ZNF608: variants seen among roughly 807,000 people sequenced by gnomAD.
The protein encoded by ZNF608 is zinc finger protein 608, also known as renal carcinoma antigen NY-REN-36.
Under a neutral mutation model 109.0 loss-of-function variants are expected in ZNF608, and 12 were observed. The ratio of observed to expected loss-of-function variants is 0.11; its 90% CI spans 0.07 to 0.18. The LOEUF (loss-of-function observed/expected upper bound fraction) is 0.18. Among genes scored for constraint, ZNF608 ranks in the 10% least tolerant of loss-of-function variants. The pLI, the probability that ZNF608 is intolerant of heterozygous loss-of-function variation, is 1.00. For synonymous variants in ZNF608, 732 were observed against 717.4 expected, an observed-to-expected ratio of 1.02 and a Z score of -0.33; for missense variants, 1,707 against 1,879.3, an observed-to-expected ratio of 0.91 and a Z score of 1.70.
intron 2 of ZNF608, among the ~76,000 whole-genome samples, chr5:124,727,855 T>A (rs1241442612): frequency 1.3e-5 from 2 of 150,636 alleles, no homozygotes; most frequent in Admixed American, 6.6e-5. Flanking sequence ...TTCTCTTGCC[T>A]CAGCCTCCCA....
At chr5:124,637,948 AT>A in intron 9 of ZNF608, 42 bp from the exon 10 acceptor site, 1 of 1,609,500 alleles carries the variant, frequency 6.2e-7, no homozygotes. Context: ...TTCTATCAAC[AT>A]TTTGTTTGTT....
intron 5 of ZNF608, among the ~76,000 whole-genome samples, chr5:124,644,955 A>G (rs1479851254): frequency 3.3e-5 from 5 of 152,196 alleles, no homozygotes; most frequent in African/African-American, 1.2e-4. Context: ...CTGGGCTTCA[A>G]ACTCAGGTCT....
intron 3 of ZNF608, among the ~76,000 whole-genome samples, chr5:124,673,477 C>A (rs957390214): frequency 6.6e-6 from 1 of 152,004 alleles, no homozygotes; most frequent in Non-Finnish European, 1.5e-5. Flanking sequence ...AATTTATTTC[C>A]TAGTAAAAAA....
chr5:124,740,757 G>A (rs1561596114), intron 2 of ZNF608, among the ~76,000 whole-genome samples: 1 of 152,078 alleles, frequency 6.6e-6, no homozygotes, highest in Non-Finnish European at 1.5e-5. Flanking sequence ...CCCTGAATAG[G>A]TATTGAGACA....
At position 124,746,344 on chromosome 5, in the gene ZNF608, A is replaced by T; in HGVS notation, c.-333T>A. ...ATAACACATCTCAGCCAGAATAATC[A>T]CTCGATAACATTATTCCACCTCCCC... On this transcript the variant is annotated 5_prime_UTR_variant, in exon 1 of 10. Coordinates refer to ENST00000513986, the MANE Select transcript of ZNF608 (RefSeq NM_020747.3). The T allele has an allele frequency of 1.0e-6, 1 of 985,038 alleles. No homozygotes were observed. Among genetic ancestry groups the T allele is most frequent in the Non-Finnish European group, 1.2e-6 (1 of 829,844 alleles). The allele number at this position is 985,038 out of a possible 1,614,324, so 61.0% of individuals were successfully genotyped here.
At position 124,648,389 on chromosome 5, in the gene ZNF608, G is replaced by A. The variant is rs752716811; in HGVS notation, c.1995C>T (p.Gly665=). The change falls in exon 5 of 10, where the codon GGC becomes GGT. Residue 665 remains glycine (G), a synonymous_variant. Transcript: ENST00000513986. Reference sequence around the variant, plus strand: ...GAAGGTTGTTCAGTTCATTGTTAAGGCCCTTCTTTTTGCCAGAATTCTTCC... The same window carrying A: ...GAAGGTTGTTCAGTTCATTGTTAAGACCCTTCTTTTTGCCAGAATTCTTCC... ...KAGKNSGKKK[G]LNNELNNLPV... is the part of the protein sequence containing the mutation. The A allele has an allele frequency of 6.2e-7, 1 of 1,614,144 alleles. No individual in the cohort carries two copies. The highest frequency in any genetic ancestry group is 1.1e-5 in the South Asian group (1 of 91,078).
intron 3 of ZNF608, among the ~76,000 whole-genome samples, chr5:124,652,218 C>T (rs537113084): frequency 1.3e-5 from 2 of 152,350 alleles, no homozygotes; most frequent in Admixed American, 6.5e-5. Flanking sequence ...TCCTGCTGCT[C>T]TTTCTGGAAG....
intron 2 of ZNF608, among the ~76,000 whole-genome samples, chr5:124,722,892 T>C (rs1471974081): frequency 6.6e-6 from 1 of 152,086 alleles, no homozygotes; most frequent in Non-Finnish European, 1.5e-5. Flanking sequence ...AAGAGTTCAA[T>C]AATTCTGTAT....
chr5:124,724,193 T>A (rs1754047080), intron 2 of ZNF608, among the ~76,000 whole-genome samples: 1 of 152,110 alleles, frequency 6.6e-6, no homozygotes, highest in Non-Finnish European at 1.5e-5. Context: ...TATGCTGTGA[T>A]TTGTATAAGG....
At chr5:124,736,865 T>C (rs190019710) in intron 2 of ZNF608, among the ~76,000 whole-genome samples, 43 of 152,328 alleles carry the variant, frequency 2.8e-4, no homozygotes, top group African/African-American at 9.9e-4. Context: ...TCTTAAAACA[T>C]ACTACTAACA....
At chr5:124,729,947 C>T (rs1473948319) in intron 2 of ZNF608, among the ~76,000 whole-genome samples, 4 of 152,208 alleles carry the variant, frequency 2.6e-5, no homozygotes, top group African/African-American at 7.2e-5. Context: ...CAATTATGCA[C>T]GCACATTCAG....
rs755106379 is a variant in ZNF608, at chr5:124,744,981, C to G, written c.9G>C (p.Val3=). ...CACCTTTTCCTGCAGTAGAAATGTT[C>G]ACTGACATCCTGAAGATGAGCTCTC... MS[V]NISTAGKGVD... Residue 3 remains valine, a synonymous_variant, in exon 2 of 10, where the codon GTG becomes GTC. Coordinates refer to ENST00000513986, the MANE Select transcript of ZNF608 (RefSeq NM_020747.3). The surrounding 1 kb of genome is among the most constrained non-coding windows in gnomAD (Gnocchi z 4.5). The G allele has an allele frequency of 6.2e-7, 1 of 1,606,174 alleles. No homozygotes were observed. The highest frequency in any genetic ancestry group is 8.5e-7 in the Non-Finnish European group (1 of 1,175,880).
intron 3 of ZNF608, among the ~76,000 whole-genome samples, chr5:124,682,937 A>T (rs1368579236): frequency 6.6e-6 from 1 of 152,130 alleles, no homozygotes; most frequent in East Asian, 1.9e-4. Context: ...GAACTTACTT[A>T]TAACGAACAG....
At chr5:124,735,242 G>A (rs1354401886) in intron 2 of ZNF608, 3 of 152,252 alleles carry the variant, frequency 2.0e-5, no homozygotes, top group Non-Finnish European at 1.5e-5. Flanking sequence ...TTCTGCCTCA[G>A]GGGAACGTTG....
At chr5:124,671,410 C>T (rs537776313) in intron 3 of ZNF608, among the ~76,000 whole-genome samples, 6 of 152,226 alleles carry the variant, frequency 3.9e-5, no homozygotes, top group South Asian at 2.1e-4. Flanking sequence ...TCATTTGAAA[C>T]CACAAAAACA....
At chr5:124,703,033 AT>A (rs1196110189) in intron 2 of ZNF608, among the ~76,000 whole-genome samples, 1 of 152,218 alleles carries the variant, frequency 6.6e-6, no homozygotes, top group African/African-American at 2.4e-5. Context: ...ACTGTCTGAG[AT>A]TAGAATCACT....
intron 2 of ZNF608, among the ~76,000 whole-genome samples, chr5:124,725,993 A>C (rs1328510163): frequency 2.0e-5 from 3 of 152,160 alleles, no homozygotes; most frequent in Admixed American, 6.5e-5. Flanking sequence ...CAAAAAATCC[A>C]AGCACTCTAA....
In ZNF608 at chr5:124,737,369, G is replaced by A. The variant is rs554839961; in HGVS notation, c.906+6715C>T. ...GTAGTTGGGTTGGAATAGTCACAGT[G>A]AATGATATTCAAACTAGGTCGGGGG... On this transcript the variant is annotated intron_variant, in intron 2 of 9. Coordinates refer to ENST00000513986, the MANE Select transcript of ZNF608 (RefSeq NM_020747.3). Among the ~76,000 whole-genome samples, 7 of 152,328 alleles carry A rather than the reference G, an allele frequency of 4.6e-5. No individual in the cohort carries two copies. The South Asian group carries it at 1.4e-3, about 32-fold the overall frequency.
chr5:124,722,048 C>T (rs983873300), intron 2 of ZNF608, among the ~76,000 whole-genome samples: 1 of 149,774 alleles, frequency 6.7e-6, no homozygotes, highest in Admixed American at 6.7e-5. Flanking sequence ...TGGATCATGA[C>T]CCAGGTAGAA....
Sources: gnomAD v4.1 joint callset for allele counts (sites outside exome capture counted in the v4.1 genomes callset) on GRCh38, gnomAD v4.1.1 for gene constraint, Gnocchi (gnomAD v3.1) non-coding constraint, MANE v1.5 for transcripts, NCBI Gene and HGNC (gene_info 2026-07-23, HGNC 2026-07-21) for gene names.